The following ABAT variants were observed in gnomAD, a reference collection of about 807,000 sequenced individuals.
ABAT encodes the protein 4-aminobutyrate aminotransferase.
ABAT carries 45 observed loss-of-function variants against 64.6 expected under a neutral mutation model. The ratio of observed to expected loss-of-function variants is 0.70; its 90% CI spans 0.55 to 0.89. The LOEUF (loss-of-function observed/expected upper bound fraction) is 0.89, where lower values mean the gene tolerates loss of function less well. ABAT is among the 40% of genes least tolerant of loss of function. ABAT has a pLI of 0.00. For missense variants in ABAT, 633 were observed against 658.4 expected (o/e 0.96, Z 0.42); for synonymous variants, 297 against 250.5 (o/e 1.19, Z -1.75).
intron 6 of ABAT, among the ~76,000 whole-genome samples, chr16:8,761,924 AATATCTGG>A (rs1596462851): frequency 1.3e-5 from 2 of 152,238 alleles, no homozygotes; most frequent in Non-Finnish European, 1.5e-5. Flanking sequence ...CCTTAGATCT[AATATCTGG>A]ATTCCAATTA....
At chr16:8,743,541 A>G (rs868339035) in intron 2 of ABAT, among the ~76,000 whole-genome samples, 44 of 133,022 alleles carry the variant, frequency 3.3e-4, no homozygotes, top group African/African-American at 1.5e-3. Flanking sequence ...TATTTTAGTT[A>G]TAATATATTA....
intron 1 of ABAT, among the ~76,000 whole-genome samples, chr16:8,717,851 C>T (rs934697375): frequency 2.0e-5 from 3 of 151,638 alleles, no homozygotes; most frequent in African/African-American, 4.9e-5. Context: ...GATGGGGTCT[C>T]GCTCTGTCAC....
intron 6 of ABAT, among the ~76,000 whole-genome samples, chr16:8,762,722 G>C (rs1192711039): frequency 6.6e-6 from 1 of 152,172 alleles, no homozygotes; most frequent in African/African-American, 2.4e-5. Context: ...CCTGCTGCTA[G>C]TGAGGGCCAG....
At chr16:8,772,061 G>A (rs940269313) in intron 11 of ABAT, among the ~76,000 whole-genome samples, 2 of 152,136 alleles carry the variant, frequency 1.3e-5, no homozygotes, top group African/African-American at 4.8e-5. Context: ...CACCACACCT[G>A]GCCCTTAGAA....
chr16:8,742,093 T>C (rs2059178031), intron 2 of ABAT, among the ~76,000 whole-genome samples: 2 of 152,228 alleles, frequency 1.3e-5, no homozygotes, highest in African/African-American at 4.8e-5. Flanking sequence ...CCATCTGCCT[T>C]GGACCTGTCC....
Position 8,781,457 on chromosome 16 carries a change from A to T in ABAT, c.*27A>T. 6.2e-7 allele frequency: 1 copy of T among 1,614,028 alleles called. No homozygotes were observed. The highest frequency in any genetic ancestry group is 8.5e-7 in the Non-Finnish European group (1 of 1,179,922). On this transcript the variant is annotated 3_prime_UTR_variant, in exon 16 of 16. Transcript: ENST00000268251. The surrounding 1 kb of genome is among the most constrained non-coding windows in gnomAD (Gnocchi z 4.5). ...GAAGCCATTTCCACTACAGTGAGAAAGCCCGGATCCCAACAGTTGTCAAAT... is the reference window on the plus strand; with the variant it reads ...GAAGCCATTTCCACTACAGTGAGAATGCCCGGATCCCAACAGTTGTCAAAT...
At chr16:8,676,664 G>A (rs971764337) in intron 1 of ABAT, among the ~76,000 whole-genome samples, 3 of 152,204 alleles carry the variant, frequency 2.0e-5, no homozygotes, top group Non-Finnish European at 4.4e-5. Context: ...AAGATCAGTT[G>A]CAGCTAATGA....
intron 1 of ABAT, among the ~76,000 whole-genome samples, chr16:8,711,894 A>T (rs2058086567): frequency 2.0e-5 from 3 of 152,170 alleles, no homozygotes; most frequent in African/African-American, 7.2e-5. Context: ...ATGAACAGAC[A>T]GACAAAAAAC....
chr16:8,724,922 T>TTTTTC (rs760414148), intron 1 of ABAT, among the ~76,000 whole-genome samples: 7,350 of 69,488 alleles, frequency 0.11, 474 homozygotes, highest in East Asian at 0.33. Flanking sequence ...TCTTTTTTCT[T>TTTTTC]TTTTTTTTTT....
Position 8,739,371 on chromosome 16 carries a change from C to T in ABAT, c.70+3562C>T, listed in dbSNP as rs537365147. Among the ~76,000 whole-genome samples the T allele has an allele frequency of 5.3e-5, 8 of 152,310 alleles. No individual in the cohort carries two copies. In the South Asian group the frequency reaches 8.3e-4, roughly 16 times the overall value. On this transcript the variant is annotated intron_variant, in intron 2 of 15. Transcript: ENST00000268251. ...AGCCTCGGTTTTCTCATCAGGAAAACGGGTCTAATAATCATATCCTTCCTA... is the reference window on the plus strand; with the variant it reads ...AGCCTCGGTTTTCTCATCAGGAAAATGGGTCTAATAATCATATCCTTCCTA...
At position 8,766,128 on chromosome 16, in the gene ABAT, G is replaced by T. The variant is rs556319472; in HGVS notation, c.541-80G>T. 20 of 1,349,392 alleles carry T rather than the reference G, an allele frequency of 1.5e-5. No individual in the cohort carries two copies. The African/African-American group carries it at 2.9e-4, about 19-fold the overall frequency. The allele number at this position is 1,349,392 out of a possible 1,614,324, so 83.6% of individuals were successfully genotyped here. A position where few individuals can be genotyped will look rare whatever the true frequency, so the allele number is the denominator to read the frequency against. On this transcript the variant is annotated intron_variant, in intron 8 of 15. Coordinates refer to ENST00000268251, the MANE Select transcript of ABAT (RefSeq NM_020686.6). Reference sequence around the variant, plus strand: ...AAAGCACTTTCTACTTGTCTGGACTGAATATCGGTTTGGTTGGAAAGATGA... The same window carrying T: ...AAAGCACTTTCTACTTGTCTGGACTTAATATCGGTTTGGTTGGAAAGATGA...
rs143548494 is a variant in ABAT, at chr16:8,689,486, G to T, written c.-42+14775G>T. On this transcript the variant is annotated intron_variant, in intron 1 of 15. Transcript: ENST00000268251. ...AAATGTATTGGGCTTCCAGTACAGT[G>T]CCAGATGGTATCATGATGGGAATTC... Among the ~76,000 whole-genome samples, 1,283 of 152,302 alleles carry T rather than the reference G, an allele frequency of 8.4e-3. 22 individuals carry two copies. Among genetic ancestry groups the T allele is most frequent in the African/African-American group, 0.029 (1,223 of 41,558 alleles).
intron 1 of ABAT, among the ~76,000 whole-genome samples, chr16:8,684,946 A>C (rs1310165797): frequency 6.6e-6 from 1 of 152,134 alleles, no homozygotes; most frequent in African/African-American, 2.4e-5. Context: ...TTGCTTGTCT[A>C]TCAGTTTTCT....
intron 1 of ABAT, among the ~76,000 whole-genome samples, chr16:8,696,360 C>G (rs1321178509): frequency 6.6e-6 from 1 of 152,188 alleles, no homozygotes; most frequent in Non-Finnish European, 1.5e-5. Flanking sequence ...TGGTGGCTCA[C>G]TCCTGTAATC....
intron 1 of ABAT, among the ~76,000 whole-genome samples, chr16:8,722,999 G>A (rs113951529): frequency 5.4e-4 from 83 of 152,298 alleles, no homozygotes; most frequent in African/African-American, 1.9e-3. Context: ...AGCACTCTGG[G>A]AGGCCGAGGG....
chr16:8,736,154 A>C (rs915546182), intron 2 of ABAT: 4 of 330,548 alleles, frequency 1.2e-5, no homozygotes, highest in African/African-American at 8.5e-5. Flanking sequence ...AGATCGTGTG[A>C]GACTTACTCA....
intron 1 of ABAT, among the ~76,000 whole-genome samples, chr16:8,719,640 A>G (rs959372762): frequency 6.6e-6 from 1 of 152,174 alleles, no homozygotes; most frequent in Non-Finnish European, 1.5e-5. Context: ...GCATGTGCCA[A>G]TAGTCTTTAG....
chr16:8,725,135 C>T (rs1383094330), intron 1 of ABAT, among the ~76,000 whole-genome samples: 2 of 152,206 alleles, frequency 1.3e-5, no homozygotes, highest in African/African-American at 2.4e-5. Context: ...GGGCTGGTCT[C>T]GAATTCCTGA....
At chr16:8,737,274 C>G (rs538871303) in intron 2 of ABAT, 1 of 151,654 alleles carries the variant, frequency 6.6e-6, no homozygotes, top group Non-Finnish European at 1.5e-5. Context: ...GGTCAGGGGT[C>G]GAGACCAGCC....
Sources: gnomAD v4.1 joint callset for allele counts (sites outside exome capture counted in the v4.1 genomes callset) on GRCh38, gnomAD v4.1.1 for gene constraint, Gnocchi (gnomAD v3.1) non-coding constraint, MANE v1.5 for transcripts, NCBI Gene and HGNC (gene_info 2026-07-23, HGNC 2026-07-21) for gene names.